MRE11: variants seen among roughly 807,000 people sequenced by gnomAD.
MRE11 encodes the protein double-strand break repair protein MRE11.
MRE11 carries 62 observed loss-of-function variants against 91.7 expected under a neutral mutation model. The observed-to-expected ratio is 0.68, with a 90% confidence interval of 0.55 to 0.84. The LOEUF (loss-of-function observed/expected upper bound fraction) is 0.84. Among genes scored for constraint, MRE11 ranks in the 40% least tolerant of loss-of-function variants. MRE11 has a pLI of 0.00. For missense variants in MRE11, 796 were observed against 852.9 expected (o/e 0.93, Z 0.83); for synonymous variants, 273 against 271.4 (o/e 1.01, Z -0.06).
At chr11:94,476,737 T>C (rs1048930093) in intron 6 of MRE11, among the ~76,000 whole-genome samples, 2 of 151,990 alleles carry the variant, frequency 1.3e-5, no homozygotes, top group African/African-American at 4.8e-5. Context: ...TCTTTTCTTT[T>C]CTAAACACAG....
intron 7 of MRE11, among the ~76,000 whole-genome samples, chr11:94,474,197 C>T (rs1382250865): frequency 6.6e-6 from 1 of 152,058 alleles, no homozygotes; most frequent in Non-Finnish European, 1.5e-5. Flanking sequence ...GATTCCAGGG[C>T]TAGGTAGGAA....
At chr11:94,484,924 A>G (rs1368942792) in intron 4 of MRE11, among the ~76,000 whole-genome samples, 1 of 152,248 alleles carries the variant, frequency 6.6e-6, no homozygotes, top group Non-Finnish European at 1.5e-5. Flanking sequence ...TGTTTAAGAC[A>G]TGATGGGCCA....
rs187904727 is a variant in MRE11, at chr11:94,428,639, G to A, written c.2070+1272C>T. ...AGCACTTTGGGAGGCCGAGGCAGGT[G>A]GATCATAAGGTCAGGAGTTTGAGAC... On this transcript the variant is annotated intron_variant, in intron 19 of 19. Coordinates refer to ENST00000323929, the MANE Select transcript of MRE11 (RefSeq NM_005591.4). Among the ~76,000 whole-genome samples, 454 of 152,154 alleles carry A rather than the reference G, an allele frequency of 3.0e-3. 3 individuals are homozygous for A. The highest frequency in any genetic ancestry group is 0.01 in the African/African-American group (432 of 41,474).
At position 94,417,829 on chromosome 11, in the gene MRE11, T is replaced by C. The variant is rs886048747; in HGVS notation, c.*2296A>G. On this transcript the variant is annotated 3_prime_UTR_variant, in exon 20 of 20. Coordinates refer to ENST00000323929, the MANE Select transcript of MRE11 (RefSeq NM_005591.4). Reference sequence around the variant, plus strand: ...AATTAAAGGTCACATTCCTAAATGCTTGAATTTTCTAAGCACCACTTATAT... The same window carrying C: ...AATTAAAGGTCACATTCCTAAATGCCTGAATTTTCTAAGCACCACTTATAT... 3.0e-5 allele frequency: 7 copies of C among 233,022 alleles called. No individual in the cohort carries two copies. In the Admixed American group the frequency reaches 3.4e-4, roughly 11 times the overall value. The allele number at this position is 233,022 out of a possible 1,614,324, so 14.4% of individuals were successfully genotyped here. A position where few individuals can be genotyped will look rare whatever the true frequency, so the allele number is the denominator to read the frequency against.
intron 4 of MRE11, among the ~76,000 whole-genome samples, chr11:94,480,554 C>T (rs562112183): frequency 6.6e-6 from 1 of 152,312 alleles, no homozygotes; most frequent in South Asian, 2.1e-4. Context: ...TCTTCTACAG[C>T]GAGTAATCTT....
chr11:94,432,751 A>G (rs930602180), intron 18 of MRE11, among the ~76,000 whole-genome samples: 6 of 152,228 alleles, frequency 3.9e-5, no homozygotes, highest in African/African-American at 1.4e-4. Context: ...GCTTGCAGTG[A>G]GCCGAGATCG....
In MRE11 at chr11:94,479,730, G is replaced by C. The variant is rs767598349; in HGVS notation, c.346C>G (p.Leu116Val). The C allele has an allele frequency of 6.2e-7, 1 of 1,612,870 alleles. No individual in the cohort carries two copies. The highest frequency in any genetic ancestry group is 8.5e-7 in the Non-Finnish European group (1 of 1,179,722). Residue 116 changes from leucine (L) to valine (V), a missense_variant, in exon 5 of 20, where the codon CTC (leucine) becomes GTC (valine). Leu to Val is a conservative substitution (Grantham distance 32). Coordinates refer to ENST00000323929, the MANE Select transcript of MRE11 (RefSeq NM_005591.4). ...FPWVNYQDGN[L>V]NISIPVFSIH... ...CTAAACACTGGAATTGAAATGTTGA[G>C]GTTGCCATCTTGATAGTTCACCCAT...
In MRE11 at chr11:94,492,829, A is replaced by G. The variant is rs769394246; in HGVS notation, c.-28T>C. On this transcript the variant is annotated 5_prime_UTR_variant, in exon 2 of 20. Coordinates refer to ENST00000323929, the MANE Select transcript of MRE11 (RefSeq NM_005591.4). The stretch of plus-strand genomic sequence containing the variant: ...TTATGGTCAGTCAAGCTCCTCTGGG[A>G]CCAGGTTCTTCTCCAAGAACCCCTG... 6.2e-7 allele frequency: 1 copy of G among 1,611,306 alleles called. No individual in the cohort carries two copies. Among genetic ancestry groups the G allele is most frequent in the Non-Finnish European group, 8.5e-7 (1 of 1,178,258 alleles).
the MRE11 span, chr11:94,512,410 G>C: frequency 8.8e-7 from 1 of 1,130,562 alleles, no homozygotes; most frequent in Non-Finnish European, 1.1e-6. Context: ...CGGAAGGCCG[G>C]CTGGGGGCGG....
At chr11:94,460,294 T>C (rs2134995950) in intron 12 of MRE11, among the ~76,000 whole-genome samples, 1 of 152,314 alleles carries the variant, frequency 6.6e-6, no homozygotes, top group Non-Finnish European at 1.5e-5. Context: ...ACCACTAAGT[T>C]TGTGGAAATT....
intron 14 of MRE11, among the ~76,000 whole-genome samples, chr11:94,454,117 A>C (rs1946188219): frequency 6.8e-6 from 1 of 147,304 alleles, no homozygotes; most frequent in Admixed American, 6.9e-5. Flanking sequence ...TCTGTCATCC[A>C]GGTTGGAGTG....
upstream of MRE11, among the ~76,000 whole-genome samples, chr11:94,495,924 CCAGA>C (rs1947412431): frequency 6.6e-6 from 1 of 152,052 alleles, no homozygotes; most frequent in African/African-American, 2.4e-5. Context: ...TTGGCACATA[CCAGA>C]CATTCTATTC....
At chr11:94,451,398 C>T (rs1946101817) in intron 14 of MRE11, among the ~76,000 whole-genome samples, 1 of 152,132 alleles carries the variant, frequency 6.6e-6, no homozygotes, top group Non-Finnish European at 1.5e-5. Context: ...TAGGTAAATT[C>T]TACCAAACTT....
intron 19 of MRE11, among the ~76,000 whole-genome samples, chr11:94,429,296 C>A (rs1465735503): frequency 6.6e-6 from 1 of 152,140 alleles, no homozygotes; most frequent in African/African-American, 2.4e-5. Context: ...GAACTTAAAA[C>A]AGAGCTACGA....
intron 11 of MRE11, among the ~76,000 whole-genome samples, chr11:94,463,302 G>C (rs569330949): frequency 6.6e-6 from 1 of 152,194 alleles, no homozygotes; most frequent in Non-Finnish European, 1.5e-5. Flanking sequence ...AGAGGATGTG[G>C]AGAAATAGGA....
At chr11:94,443,843 C>A (rs762995034) in intron 16 of MRE11, among the ~76,000 whole-genome samples, 1 of 151,682 alleles carries the variant, frequency 6.6e-6, no homozygotes, top group African/African-American at 2.4e-5. Flanking sequence ...ACATTTTACA[C>A]GATAGAACAT....
intron 16 of MRE11, among the ~76,000 whole-genome samples, chr11:94,445,055 A>G (rs1212157209): frequency 6.6e-6 from 1 of 152,158 alleles, no homozygotes; most frequent in African/African-American, 2.4e-5. Flanking sequence ...TTTAGACCAT[A>G]GGATATACAC....
At chr11:94,498,318 C>G (rs1440042120), upstream of MRE11, 2 of 1,614,032 alleles carry the variant, frequency 1.2e-6, no homozygotes, top group South Asian at 2.2e-5. Context: ...GATATCAATG[C>G]CCAAACAAAA....
intron 14 of MRE11, among the ~76,000 whole-genome samples, chr11:94,453,564 G>A (rs1946170884): frequency 6.6e-6 from 1 of 152,172 alleles, no homozygotes; most frequent in African/African-American, 2.4e-5. Flanking sequence ...TTTCTCTAAT[G>A]TCTGGTGATC....
Sources: allele counts gnomAD v4.1 joint callset (sites outside exome capture counted in the v4.1 genomes callset), GRCh38; gene constraint gnomAD v4.1.1; transcripts MANE v1.5; gene names NCBI Gene and HGNC (gene_info 2026-07-23, HGNC 2026-07-21).